KLRG1: variants seen among roughly 807,000 people sequenced by gnomAD.
KLRG1 encodes the protein killer cell lectin like receptor G1, also known as killer cell lectin-like receptor subfamily G member 1.
KLRG1 carries 16 observed loss-of-function variants against 21.8 expected under a neutral mutation model. That is an observed-to-expected ratio of 0.73 (90% CI 0.50 to 1.11). KLRG1 has a LOEUF of 1.11. Among genes scored for constraint, KLRG1 ranks in the 50% most tolerant of loss-of-function variants. KLRG1 has a pLI of 0.00. For missense variants in KLRG1, 173 were observed against 218.3 expected, an observed-to-expected ratio of 0.79 and a Z score of 1.31; for synonymous variants, 69 against 75.9, an observed-to-expected ratio of 0.91 and a Z score of 0.47.
chr12:9,068,046 G>GT, the KLRG1 span: 1 of 1,112,358 alleles, frequency 9.0e-7, no homozygotes, highest in Non-Finnish European at 1.3e-6. Flanking sequence ...CAATAAATGT[G>GT]TTTTTCTATA....
At chr12:8,997,901 C>T (rs983943113) in intron 3 of KLRG1, among the ~76,000 whole-genome samples, 4 of 152,126 alleles carry the variant, frequency 2.6e-5, no homozygotes, top group Non-Finnish European at 4.4e-5. Flanking sequence ...ATTCTCCTGC[C>T]TTAGCCTCCC....
chr12:9,139,022 T>A, the KLRG1 span, among the ~76,000 whole-genome samples: 1 of 152,068 alleles, frequency 6.6e-6, no homozygotes, highest in African/African-American at 2.4e-5. Flanking sequence ...AAATTTGGGT[T>A]GATTATTTTA....
At chr12:8,977,285 G>C (rs1007178383) in intron 1 of KLRG1, among the ~76,000 whole-genome samples, 1 of 150,706 alleles carries the variant, frequency 6.6e-6, no homozygotes, top group African/African-American at 2.4e-5. Context: ...CTCACTGCAA[G>C]CTCCGCCTCC....
At chr12:9,020,247 A>T in the KLRG1 span, among the ~76,000 whole-genome samples, 1 of 152,178 alleles carries the variant, frequency 6.6e-6, no homozygotes, top group Non-Finnish European at 1.5e-5. Flanking sequence ...TTAAGGTACA[A>T]TTGACATACA....
chr12:9,008,169 G>GA (rs1228842809), intron 3 of KLRG1, among the ~76,000 whole-genome samples: 1 of 152,128 alleles, frequency 6.6e-6, no homozygotes, highest in Admixed American at 6.5e-5. Context: ...CCTCAGTGGG[G>GA]AAAAAAACAA....
chr12:9,107,735 T>G, the KLRG1 span: 2 of 1,469,666 alleles, frequency 1.4e-6, no homozygotes, highest in South Asian at 2.5e-5. Context: ...CTACAGTATA[T>G]TCCCTGTCTG....
chr12:9,056,336 C>A, the KLRG1 span, among the ~76,000 whole-genome samples: 8 of 152,174 alleles, frequency 5.3e-5, no homozygotes, highest in Non-Finnish European at 1.2e-4. Flanking sequence ...TTAGTATAAT[C>A]CGTTACTCTG....
At chr12:9,194,071 A>T in the KLRG1 span, 78 of 1,610,944 alleles carry the variant, frequency 4.8e-5, 1 homozygote, top group South Asian at 8.4e-4. Context: ...GTCTTTCTAT[A>T]CTTACCCGGA....
At chr12:9,098,814 A>G in the KLRG1 span, 148 of 1,577,684 alleles carry the variant, frequency 9.4e-5, no homozygotes, top group Non-Finnish European at 1.2e-4. Context: ...CCATGCATTC[A>G]CTCGCATTTG....
chr12:9,077,478 T>C, the KLRG1 span: 1 of 1,520,564 alleles, frequency 6.6e-7, no homozygotes, highest in Non-Finnish European at 9.0e-7. Flanking sequence ...TATTGATTAG[T>C]TCTTTCTATT....
the KLRG1 span, chr12:9,070,627 A>T: frequency 7.5e-7 from 1 of 1,336,598 alleles, no homozygotes; most frequent in Non-Finnish European, 1.1e-6. Context: ...GTTTTTAAAT[A>T]TTTTCTTCTT....
At position 8,989,639 on chromosome 12, in the gene KLRG1, A is replaced by T; in HGVS notation, c.4A>T (p.Thr2Ser). The T allele has an allele frequency of 6.3e-7, 1 of 1,599,426 alleles. No individual in the cohort carries two copies. The highest frequency in any genetic ancestry group is 8.6e-7 in the Non-Finnish European group (1 of 1,168,026). Residue 2 changes from threonine (T) to serine (S), a missense_variant, in exon 1 of 5, where the codon ACT (threonine) becomes TCT (serine). This residue lies in a region of KLRG1 where 144 missense variants were observed against 161.5 expected (regional missense o/e 0.89). Transcript: ENST00000356986. ...ATGTGAAAGATCTTAGCTGAAGATG[A>T]CTGACAGTGTTATTTATTCCATGTT... Reference protein sequence around the residue: MTDSVIYSMLEL... With the variant: MSDSVIYSMLEL...
chr12:9,102,423 C>T, the KLRG1 span, among the ~76,000 whole-genome samples: 5 of 152,240 alleles, frequency 3.3e-5, no homozygotes, highest in South Asian at 1.0e-3. Context: ...ACCACGTTGC[C>T]TAGGCTCGTC....
the KLRG1 span, among the ~76,000 whole-genome samples, chr12:9,059,996 C>CTT: frequency 0.024 from 1,828 of 75,516 alleles, 325 homozygotes; most frequent in African/African-American, 0.066. Context: ...GCCCTGGCAT[C>CTT]TTTTTTTTTT....
At chr12:9,122,670 C>A in the KLRG1 span, among the ~76,000 whole-genome samples, 1 of 151,996 alleles carries the variant, frequency 6.6e-6, no homozygotes, top group Non-Finnish European at 1.5e-5. Flanking sequence ...GGTCCCTAAA[C>A]CCACAATTTA....
the KLRG1 span, chr12:9,197,261 G>T: frequency 1.7e-6 from 1 of 574,380 alleles, no homozygotes; most frequent in Non-Finnish European, 3.0e-6. Context: ...AAAGCTGTCT[G>T]GAAAATGTCT....
chr12:9,157,472 C>A, the KLRG1 span: 1 of 954,644 alleles, frequency 1.0e-6, no homozygotes, highest in Admixed American at 2.5e-5. Context: ...AGGCAGACAG[C>A]TAGATATTCA....
chr12:9,079,144 A>T, the KLRG1 span: 1 of 912,562 alleles, frequency 1.1e-6, no homozygotes. Flanking sequence ...CATCGGTCTG[A>T]TAATACATAT....
the KLRG1 span, chr12:9,113,426 C>T: frequency 6.2e-7 from 1 of 1,613,822 alleles, no homozygotes; most frequent in Non-Finnish European, 8.5e-7. Flanking sequence ...TCCTGTTTCC[C>T]CTGACAGACT....
Sources: allele counts gnomAD v4.1 joint callset (sites outside exome capture counted in the v4.1 genomes callset), GRCh38; gene constraint gnomAD v4.1.1; regional missense constraint gnomAD v4.1.1; transcripts MANE v1.5; gene names NCBI Gene and HGNC (gene_info 2026-07-23, HGNC 2026-07-21).